PTPRQ: variants seen among roughly 807,000 people sequenced by gnomAD.
PTPRQ encodes the protein phosphatidylinositol phosphatase PTPRQ.
A neutral mutation model predicts 246.0 loss-of-function variants in PTPRQ; 199 were observed. The ratio of observed to expected loss-of-function variants is 0.81; its 90% confidence interval spans 0.72 to 0.91. The LOEUF (loss-of-function observed/expected upper bound fraction) is 0.91. Ranked by LOEUF, PTPRQ falls within the 40% of genes least tolerant of loss-of-function variation. The probability of loss-of-function intolerance (pLI) is 0.00; values close to 1 mark genes in which losing one functional copy is unlikely to be tolerated. For synonymous variants in PTPRQ, 869 were observed against 853.2 expected, an observed-to-expected ratio of 1.02 and a Z score of -0.32; for missense variants, 2,624 against 2,528.4, an observed-to-expected ratio of 1.04 and a Z score of -0.81.
intron 33 of PTPRQ, among the ~76,000 whole-genome samples, chr12:80,627,648 A>G (rs1899256948): frequency 6.6e-6 from 1 of 152,126 alleles, no homozygotes; most frequent in South Asian, 2.1e-4. Flanking sequence ...CTTTAGAATT[A>G]TGATTTGCCA....
chr12:80,507,940 T>G (rs1263957003), intron 16 of PTPRQ, among the ~76,000 whole-genome samples: 1 of 151,996 alleles, frequency 6.6e-6, no homozygotes, highest in Non-Finnish European at 1.5e-5. Context: ...TTTTTGAAAA[T>G]AGTACCCACT....
At chr12:80,535,206 A>G (rs536072060) in intron 19 of PTPRQ, among the ~76,000 whole-genome samples, 169 bp downstream of exon 19, 1 of 129,382 alleles carries the variant, frequency 7.7e-6, no homozygotes, top group Non-Finnish European at 1.6e-5. Context: ...AATGTCAGAT[A>G]CATTTAATCT....
In PTPRQ at chr12:80,585,265, A is replaced by G. The variant is rs192226606; in HGVS notation, c.4286-2864A>G. ...CATCTTTTTATTTGCTCAATCCATA[A>G]ACCTTAGGGCATTTTTTATTCCTCT... On this transcript the variant is annotated intron_variant, in intron 25 of 44. Coordinates refer to ENST00000644991, the MANE Select transcript of PTPRQ (RefSeq NM_001145026.2). Among the ~76,000 whole-genome samples, 105 of 152,206 alleles carry G rather than the reference A, an allele frequency of 6.9e-4. No individual in the cohort carries two copies. In the Middle Eastern group the frequency reaches 0.01, roughly 15 times the overall value.
At chr12:80,524,208 A>G (rs1344968465) in intron 17 of PTPRQ, among the ~76,000 whole-genome samples, 1 of 151,794 alleles carries the variant, frequency 6.6e-6, no homozygotes, top group East Asian at 1.9e-4. Context: ...CTTGTTTTCC[A>G]TTTGCTTGGT....
At chr12:80,599,866 A>G (rs1898086593) in intron 26 of PTPRQ, among the ~76,000 whole-genome samples, 1 of 150,604 alleles carries the variant, frequency 6.6e-6, no homozygotes, top group Non-Finnish European at 1.5e-5. Flanking sequence ...TTATATATTA[A>G]TATATATTCA....
rs1488869618 is a variant in PTPRQ, at chr12:80,546,819, T to G, written c.4015+122T>G. 2.5e-6 allele frequency: 3 copies of G among 1,210,932 alleles called. No individual in the cohort carries two copies. The East Asian group carries it at 7.7e-5, about 31-fold the overall frequency. The allele number at this position is 1,210,932 out of a possible 1,614,324, so 75.0% of individuals were successfully genotyped here. Reference sequence around the variant, plus strand: ...AGTCTACTCAAAGGGAAATTGCATTTCAGTGCTTTACGTTTAGTCTTGGTC... The same window carrying G: ...AGTCTACTCAAAGGGAAATTGCATTGCAGTGCTTTACGTTTAGTCTTGGTC... On this transcript the variant is annotated intron_variant, in intron 24 of 44. Coordinates refer to ENST00000644991, the MANE Select transcript of PTPRQ (RefSeq NM_001145026.2).
chr12:80,603,783 C>G (rs1284531523), intron 26 of PTPRQ, among the ~76,000 whole-genome samples: 1 of 151,518 alleles, frequency 6.6e-6, no homozygotes, highest in Non-Finnish European at 1.5e-5. Flanking sequence ...AGTGCAATTC[C>G]CACCTTCACT....
chr12:80,610,257 A>C (rs936062617), intron 27 of PTPRQ, among the ~76,000 whole-genome samples, 182 bp from the exon 28 acceptor site: 4 of 150,564 alleles, frequency 2.7e-5, no homozygotes, highest in Admixed American at 2.0e-4. Flanking sequence ...AACTATTAAA[A>C]TAATTAATAA....
In PTPRQ at chr12:80,554,001, A is replaced by C. The variant is rs73349755; in HGVS notation, c.4285+4267A>C. 6.1e-3 allele frequency among the ~76,000 whole-genome samples: 925 copies of C among 152,144 alleles called. 13 individuals are homozygous for C. Among genetic ancestry groups the C allele is most frequent in the African/African-American group, 0.021 (857 of 41,462 alleles). ...GTGTTCTCACTCATTTGTGGCAGCC[A>C]AAAACTAAAACAATTGAACTCATGG... On this transcript the variant is annotated intron_variant, in intron 25 of 44. Transcript: ENST00000644991.
chr12:80,555,456 C>A (rs1052975913), intron 25 of PTPRQ, among the ~76,000 whole-genome samples: 2 of 152,022 alleles, frequency 1.3e-5, no homozygotes, highest in Non-Finnish European at 2.9e-5. Context: ...AAAACTGCTG[C>A]CCTTCTATGG....
intron 8 of PTPRQ, among the ~76,000 whole-genome samples, chr12:80,472,463 G>A (rs182601293): frequency 6.6e-6 from 1 of 152,304 alleles, no homozygotes; most frequent in East Asian, 1.9e-4. Flanking sequence ...GATCAGGTAA[G>A]GTTAGGAAAT....
chr12:80,546,063 A>G (rs537799897), intron 23 of PTPRQ, among the ~76,000 whole-genome samples: 1 of 152,280 alleles, frequency 6.6e-6, no homozygotes, highest in African/African-American at 2.4e-5. Context: ...CACGCCTGTA[A>G]TCCCAGCACT....
chr12:80,635,883 T>C (rs1181512676), intron 35 of PTPRQ, among the ~76,000 whole-genome samples: 2 of 152,184 alleles, frequency 1.3e-5, no homozygotes, highest in Non-Finnish European at 2.9e-5. Context: ...TGCTCAGCTC[T>C]GTTAAAATTA....
rs1457643616 is a variant in PTPRQ, at chr12:80,459,432, T to C, written c.609T>C (p.Asp203=). The stretch of plus-strand genomic sequence containing the variant: ...CCAGAAGTGGGATAGTAGTGAAAGA[T>C]GTCTCAATCAGAGTAGAGGACATTT... ...KHARSGIVVK[D]VSIRVEDILT... is the part of the protein sequence containing the mutation. Residue 203 remains aspartate (D), a synonymous_variant, in exon 5 of 45, where the codon GAT becomes GAC. Transcript: ENST00000644991. The C allele has an allele frequency of 2.5e-6, 1 of 398,344 alleles. No individual in the cohort carries two copies. Among genetic ancestry groups the C allele is most frequent in the Non-Finnish European group, 4.4e-6 (1 of 225,974 alleles). The allele number at this position is 398,344 out of a possible 1,614,324, so 24.7% of individuals were successfully genotyped here.
intron 33 of PTPRQ, among the ~76,000 whole-genome samples, chr12:80,631,531 C>T (rs1438770130): frequency 1.3e-5 from 2 of 152,240 alleles, no homozygotes; most frequent in East Asian, 3.9e-4. Context: ...ATACCAGTAG[C>T]CTTTTGTTAG....
At chr12:80,585,509 AAGAG>A (rs976296792) in intron 25 of PTPRQ, among the ~76,000 whole-genome samples, 26 of 152,234 alleles carry the variant, frequency 1.7e-4, no homozygotes, top group African/African-American at 6.3e-4. Context: ...GATTCTGTGA[AAGAG>A]AGAGCCTGCC....
intron 8 of PTPRQ, among the ~76,000 whole-genome samples, chr12:80,474,629 GA>G (rs957359923): frequency 4.0e-5 from 6 of 151,606 alleles, no homozygotes; most frequent in African/African-American, 7.3e-5. Flanking sequence ...AATGATTTTG[GA>G]AAAAAAAGAT....
intron 6 of PTPRQ, among the ~76,000 whole-genome samples, chr12:80,466,174 C>A (rs1446168349): frequency 2.6e-5 from 4 of 152,130 alleles, no homozygotes; most frequent in Non-Finnish European, 5.9e-5. Context: ...GATACAAAAT[C>A]AATGTACAAA....
In PTPRQ at chr12:80,621,922, G is replaced by T. The variant is rs1899006573; in HGVS notation, c.5613-139G>T. 9 of 563,876 alleles carry T rather than the reference G, an allele frequency of 1.6e-5. No individual in the cohort carries two copies. The South Asian group carries it at 2.9e-4, about 18-fold the overall frequency. The allele number at this position is 563,876 out of a possible 1,614,324, so 34.9% of individuals were successfully genotyped here. On this transcript the variant is annotated intron_variant, in intron 32 of 44. Coordinates refer to ENST00000644991, the MANE Select transcript of PTPRQ (RefSeq NM_001145026.2). ...TATAGCATATATTTCTCCTGATGAT[G>T]ATTCCATTCCAAATTTTCATCTTGT...
Sources: allele counts gnomAD v4.1 joint callset (sites outside exome capture counted in the v4.1 genomes callset), GRCh38; gene constraint gnomAD v4.1.1; transcripts MANE v1.5; gene names NCBI Gene and HGNC (gene_info 2026-07-23, HGNC 2026-07-21).